The following RAP1A variants were observed in gnomAD, a reference collection of about 807,000 sequenced individuals.
RAP1A encodes ras-related protein Rap-1A.
A neutral mutation model predicts 26.4 loss-of-function variants in RAP1A; 6 were observed. The ratio of observed to expected loss-of-function variants is 0.23; its 90% CI spans 0.12 to 0.45. The LOEUF (loss-of-function observed/expected upper bound fraction) is 0.45. Ranked by LOEUF, RAP1A falls within the 20% of genes least tolerant of loss-of-function variation. The pLI is 0.99. For missense variants in RAP1A, 121 were observed against 217.2 expected, an observed-to-expected ratio of 0.56 and a Z score of 2.78; for synonymous variants, 73 against 79.4, an observed-to-expected ratio of 0.92 and a Z score of 0.43.
chr1:111,588,040 C>T (rs887149975), intron 1 of RAP1A, among the ~76,000 whole-genome samples: 4 of 152,152 alleles, frequency 2.6e-5, no homozygotes, highest in East Asian at 1.9e-4. Context: ...CAAATCTCTA[C>T]GCCCAACTGA....
intron 1 of RAP1A, chr1:111,599,621 T>C (rs760586430): frequency 1.3e-5 from 2 of 152,238 alleles, no homozygotes; most frequent in Non-Finnish European, 2.9e-5. Flanking sequence ...ACTTGGTCTT[T>C]CCAGTGACCA....
chr1:111,692,889 G>A (rs1415921177), intron 2 of RAP1A, among the ~76,000 whole-genome samples: 1 of 152,152 alleles, frequency 6.6e-6, no homozygotes, highest in Non-Finnish European at 1.5e-5. Flanking sequence ...TGGATAGCTG[G>A]GAACAAGGGT....
intron 1 of RAP1A, among the ~76,000 whole-genome samples, chr1:111,613,125 A>T (rs1181014776): frequency 6.6e-6 from 1 of 151,492 alleles, no homozygotes; most frequent in African/African-American, 2.4e-5. Context: ...TCAGTGGTAG[A>T]TAGCGCTTTT....
chr1:111,602,864 G>A (rs566204574), intron 1 of RAP1A, among the ~76,000 whole-genome samples: 2 of 152,290 alleles, frequency 1.3e-5, no homozygotes, highest in East Asian at 1.9e-4. Context: ...ACACCCAAGG[G>A]GGCAGGGCAA....
intron 1 of RAP1A, among the ~76,000 whole-genome samples, chr1:111,572,125 AC>A (rs1658060834): frequency 6.6e-6 from 1 of 152,252 alleles, no homozygotes; most frequent in South Asian, 2.1e-4. Flanking sequence ...ATGCATCAGC[AC>A]CAGGGAGGTA....
chr1:111,651,508 G>A (rs1471028127), intron 1 of RAP1A, among the ~76,000 whole-genome samples: 4 of 130,994 alleles, frequency 3.1e-5, no homozygotes, highest in Admixed American at 1.8e-4. Context: ...ACAGAGTCTC[G>A]CTCTGTTACC....
At chr1:111,569,001 T>C (rs1238365150) in intron 1 of RAP1A, among the ~76,000 whole-genome samples, 1 of 152,200 alleles carries the variant, frequency 6.6e-6, no homozygotes, top group Admixed American at 6.5e-5. Flanking sequence ...ACATATAATA[T>C]ACAAAATTTT....
intron 6 of RAP1A, among the ~76,000 whole-genome samples, chr1:111,704,772 G>A (rs908863124): frequency 1.3e-5 from 2 of 152,298 alleles, no homozygotes; most frequent in South Asian, 4.1e-4. Flanking sequence ...ATAAAGTGGT[G>A]TGTAAAAATT....
intron 1 of RAP1A, among the ~76,000 whole-genome samples, chr1:111,652,326 A>G (rs1468886404): frequency 6.6e-6 from 1 of 152,238 alleles, no homozygotes; most frequent in African/African-American, 2.4e-5. Context: ...CTATGTGGAA[A>G]TACAAAATAA....
At chr1:111,549,909 T>C (rs2800899) in intron 1 of RAP1A, among the ~76,000 whole-genome samples, 115,215 of 152,064 alleles carry the variant, frequency 0.76, 47,641 homozygotes, top group Non-Finnish European at 0.93. Flanking sequence ...TGTCCCAGCC[T>C]ACCAAAGTGC....
chr1:111,706,413 C>T (rs1479070247), intron 6 of RAP1A, among the ~76,000 whole-genome samples: 1 of 151,996 alleles, frequency 6.6e-6, no homozygotes, highest in Admixed American at 6.6e-5. Context: ...TGAAAACAGA[C>T]ACCAGGACAT....
intron 1 of RAP1A, among the ~76,000 whole-genome samples, chr1:111,664,834 T>G (rs1660753693): frequency 6.6e-6 from 1 of 152,240 alleles, no homozygotes; most frequent in African/African-American, 2.4e-5. Context: ...CCTTGTAAGC[T>G]TATTGTGAGG....
chr1:111,692,762 T>A, intron 2 of RAP1A, among the ~76,000 whole-genome samples: 1 of 152,194 alleles, frequency 6.6e-6, no homozygotes, highest in African/African-American at 2.4e-5. Flanking sequence ...AGACTATAAT[T>A]TGTGTTTTAT....
chr1:111,599,388 G>A lies in RAP1A; in HGVS notation c.-28+56879G>A, dbSNP rs904246294. On this transcript the variant is annotated intron_variant, in intron 1 of 7. Coordinates refer to the RAP1A transcript ENST00000356415. ...ATCCAGCTAATTTTTTGTATTTTTA[G>A]TAGAGATGGAGTTTCACCGTGTTAG... Among the ~76,000 whole-genome samples the A allele has an allele frequency of 4.6e-5, 7 of 152,060 alleles. No homozygotes were observed. In the East Asian group the frequency reaches 1.3e-3, roughly 29 times the overall value.
At chr1:111,685,971 G>T (rs1661461657) in intron 1 of RAP1A, among the ~76,000 whole-genome samples, 2 of 152,148 alleles carry the variant, frequency 1.3e-5, no homozygotes, top group South Asian at 4.1e-4. Context: ...CATGTCCTTT[G>T]CAGGGACATG....
At chr1:111,562,117 T>A (rs1399030043) in intron 1 of RAP1A, among the ~76,000 whole-genome samples, 1 of 152,170 alleles carries the variant, frequency 6.6e-6, no homozygotes, top group African/African-American at 2.4e-5. Context: ...GCTTGTGCCA[T>A]TTCTTTTCTA....
chr1:111,593,593 G>T (rs1451249616), intron 1 of RAP1A, among the ~76,000 whole-genome samples: 3 of 149,320 alleles, frequency 2.0e-5, no homozygotes, highest in Non-Finnish European at 4.4e-5. Context: ...GCCCCATAGG[G>T]CCAGCTTTGC....
intron 1 of RAP1A, among the ~76,000 whole-genome samples, chr1:111,674,020 C>G (rs1420737158): frequency 3.9e-5 from 6 of 152,024 alleles, no homozygotes; most frequent in Non-Finnish European, 5.9e-5. Context: ...GCAGAATATC[C>G]AAAATAATTT....
At chr1:111,666,528 A>G (rs1301935698) in intron 1 of RAP1A, among the ~76,000 whole-genome samples, 1 of 152,214 alleles carries the variant, frequency 6.6e-6, no homozygotes, top group Non-Finnish European at 1.5e-5. Flanking sequence ...CATTGCAGAT[A>G]TTCTAAAAAT....
Sources: allele counts gnomAD v4.1 joint callset (sites outside exome capture counted in the v4.1 genomes callset), GRCh38; gene constraint gnomAD v4.1.1; transcripts MANE v1.5; gene names NCBI Gene and HGNC (gene_info 2026-07-23, HGNC 2026-07-21).